The following SLC52A1 variants were observed in gnomAD, a reference collection of about 807,000 sequenced individuals.
SLC52A1 encodes solute carrier family 52, riboflavin transporter, member 1.
SLC52A1 carries 20 observed loss-of-function variants against 23.2 expected under a neutral mutation model. The observed-to-expected ratio is 0.86, with a 90% CI of 0.61 to 1.25. The LOEUF (loss-of-function observed/expected upper bound fraction) is 1.25. Among genes scored for constraint, SLC52A1 ranks in the 50% most tolerant of loss-of-function variants. SLC52A1 has a pLI of 0.00. For synonymous variants in SLC52A1, 260 were observed against 256.6 expected (o/e 1.01, Z -0.13); for missense variants, 528 against 557.0 (o/e 0.95, Z 0.52).
At chr17:5,037,917 T>TC (rs35536311), upstream of SLC52A1, among the ~76,000 whole-genome samples, 10,477 of 90,050 alleles carry the variant, frequency 0.12, 2,107 homozygotes, top group Middle Eastern at 0.22. Flanking sequence ...TTCCTTCCTT[T>TC]TTTTTTTTTT....
chr17:5,033,232 C>T (rs778426148), intron 4 of SLC52A1, 29 bp downstream of exon 4: 1 of 1,612,784 alleles, frequency 6.2e-7, no homozygotes. Context: ...GGACACCCTC[C>T]TCCCCACTTC....
upstream of SLC52A1, among the ~76,000 whole-genome samples, chr17:5,039,653 G>T (rs1223335120): frequency 2.6e-5 from 4 of 152,032 alleles, no homozygotes; most frequent in African/African-American, 9.7e-5. Flanking sequence ...TATATTTTTA[G>T]TAAAGATGGG....
At chr17:5,036,403 C>CTTT (rs34031349), upstream of SLC52A1, among the ~76,000 whole-genome samples, 25 of 59,198 alleles carry the variant, frequency 4.2e-4, 1 homozygote, top group East Asian at 5.9e-4. Flanking sequence ...CTAATTTTTG[C>CTTT]TTTTTTTTTT....
chr17:5,038,537 T>C (rs1005338102), upstream of SLC52A1, among the ~76,000 whole-genome samples: 25 of 152,002 alleles, frequency 1.6e-4, no homozygotes, highest in Admixed American at 6.6e-5. Context: ...CAAACAATGA[T>C]GTTTCTAATA....
At chr17:5,034,834 CG>C in intron 1 of SLC52A1, 26 bp downstream of exon 1, 1 of 286,972 alleles carries the variant, frequency 3.5e-6, no homozygotes, top group Non-Finnish European at 6.9e-6. Context: ...CGGGGGCGGG[CG>C]GGGAAGGTGG....
chr17:5,039,960 A>G (rs987449013), upstream of SLC52A1, among the ~76,000 whole-genome samples: 2 of 152,208 alleles, frequency 1.3e-5, no homozygotes, highest in African/African-American at 4.8e-5. Context: ...CAGGAGAGGC[A>G]AGACCCACAT....
rs1182838787 is a variant in SLC52A1, at chr17:5,034,106, G to C, written c.383C>G (p.Ser128Cys). 3.7e-6 allele frequency: 6 copies of C among 1,614,092 alleles called. No homozygotes were observed. Among genetic ancestry groups the C allele is most frequent in the Non-Finnish European group, 5.1e-6 (6 of 1,180,044 alleles). Residue 128 changes from serine to cysteine, a missense_variant, in exon 3 of 5, where the codon TCT (serine) becomes TGT (cysteine). Ser to Cys is a moderately radical substitution (Grantham distance 112). Coordinates refer to ENST00000254853, the MANE Select transcript of SLC52A1 (RefSeq NM_017986.4). Reference protein sequence around the residue: ...ALVLAMACCTSNVTFLPFLSH... With the variant: ...ALVLAMACCTCNVTFLPFLSH... ...CAGGAAGGGCAGGAAAGTGACATTA[G>C]AGGTACAACAGGCCATTGCCAACAC...
chr17:5,038,426 T>G (rs1013463863), upstream of SLC52A1, among the ~76,000 whole-genome samples: 1 of 151,836 alleles, frequency 6.6e-6, no homozygotes, highest in African/African-American at 2.4e-5. Context: ...TTTTGAAAGC[T>G]TCCTAGGTGA....
upstream of SLC52A1, among the ~76,000 whole-genome samples, chr17:5,036,403 C>CTTTT (rs34031349): frequency 8.4e-5 from 5 of 59,210 alleles, 1 homozygote; most frequent in African/African-American, 1.6e-4. Context: ...CTAATTTTTG[C>CTTTT]TTTTTTTTTT....
upstream of SLC52A1, among the ~76,000 whole-genome samples, chr17:5,039,437 A>T (rs111256740): frequency 3.9e-4 from 59 of 152,172 alleles, no homozygotes; most frequent in African/African-American, 1.3e-3. Flanking sequence ...AACGTAGGTG[A>T]TCACCTCACC....
In SLC52A1 at chr17:5,033,552, A is replaced by G. The variant is rs1230375780; in HGVS notation, c.937T>C (p.Tyr313His). 6.2e-7 allele frequency: 1 copy of G among 1,613,984 alleles called. No homozygotes were observed. Among genetic ancestry groups the G allele is most frequent in the South Asian group, 1.1e-5 (1 of 91,074 alleles). Residue 313 changes from tyrosine (Y) to histidine (H), a missense_variant, in exon 3 of 5, where the codon TAC becomes CAC. Tyr to His is a moderately conservative substitution (Grantham distance 83). Coordinates refer to ENST00000254853, the MANE Select transcript of SLC52A1 (RefSeq NM_017986.4). ...FSCLPYGRLA[Y>H]HLAVVLGSAA... ...CTGCCCAGCACCACAGCCAGGTGGTAGGCCAGGCGCCCATAGGGCAAACAG... is the reference window on the plus strand; with the variant it reads ...CTGCCCAGCACCACAGCCAGGTGGTGGGCCAGGCGCCCATAGGGCAAACAG...
At chr17:5,041,568 C>T (rs1975545935) in intron 1 of SLC52A1, among the ~76,000 whole-genome samples, 1 of 152,162 alleles carries the variant, frequency 6.6e-6, no homozygotes, top group African/African-American at 2.4e-5. Flanking sequence ...ACCTCCGCTT[C>T]CTGGGTTCAA....
At position 5,034,308 on chromosome 17, in the gene SLC52A1, C is replaced by T; in HGVS notation, c.181G>A (p.Gly61Ser). 6.3e-7 allele frequency: 1 copy of T among 1,593,892 alleles called. No homozygotes were observed. Among genetic ancestry groups the T allele is most frequent in the East Asian group, 2.2e-5 (1 of 44,740 alleles). Residue 61 changes from glycine to serine, a missense_variant, in exon 3 of 5, where the codon GGT becomes AGT. Coordinates refer to ENST00000254853, the MANE Select transcript of SLC52A1 (RefSeq NM_017986.4). ...CTCCACAGGGTCACCACCAGCAGAC[C>T]CAGGTTTCCCAGCGCCACAACCACA... ...LSVVVALGNL[G>S]LLVVTLWRQL... is the part of the protein sequence containing the mutation.
At chr17:5,033,190 G>C in intron 4 of SLC52A1, 21 bp from the exon 5 acceptor site, 3 of 1,613,364 alleles carry the variant, frequency 1.9e-6, no homozygotes, top group Non-Finnish European at 2.5e-6. Flanking sequence ...GGACACAGCA[G>C]CAGGCTGAGC....
upstream of SLC52A1, among the ~76,000 whole-genome samples, chr17:5,035,758 G>A (rs950925909): frequency 2.9e-4 from 44 of 150,102 alleles, no homozygotes; most frequent in African/African-American, 1.0e-3. Flanking sequence ...AGCGGTGCGC[G>A]ATCGCGGCTC....
chr17:5,036,797 C>T, upstream of SLC52A1, among the ~76,000 whole-genome samples: 1 of 152,056 alleles, frequency 6.6e-6, no homozygotes, highest in East Asian at 1.9e-4. Context: ...GGCCTGCTAG[C>T]TAAGACAGGT....
chr17:5,034,740 G>T, intron 1 of SLC52A1, 27 bp from the exon 2 acceptor site: 2 of 1,170,198 alleles, frequency 1.7e-6, no homozygotes, highest in Non-Finnish European at 1.2e-6. Flanking sequence ...AGGCTGGCAG[G>T]TAATAGGCTG....
In SLC52A1 at chr17:5,034,498, C is replaced by G; in HGVS notation, c.109G>C (p.Val37Leu). Residue 37 changes from valine to leucine, a missense_variant, in exon 2 of 5, where the codon GTG (valine) becomes CTG (leucine). Coordinates refer to ENST00000254853, the MANE Select transcript of SLC52A1 (RefSeq NM_017986.4). ...TCACCCTCTGGAAGGTCTTTTACCACCACAGGCAGCTCCACCCAGATCCCG... is the reference window on the plus strand; with the variant it reads ...TCACCCTCTGGAAGGTCTTTTACCAGCACAGGCAGCTCCACCCAGATCCCG... ...VNGIWVELPVVVKDLPEGWSL... is the reference protein window; with the variant it reads ...VNGIWVELPVLVKDLPEGWSL... The G allele has an allele frequency of 1.1e-5, 18 of 1,614,232 alleles. No homozygotes were observed. The highest frequency in any genetic ancestry group is 1.4e-5 in the Non-Finnish European group (17 of 1,180,042).
upstream of SLC52A1, among the ~76,000 whole-genome samples, chr17:5,037,033 C>T (rs1975475305): frequency 6.6e-6 from 1 of 152,076 alleles, no homozygotes; most frequent in Admixed American, 6.6e-5. Flanking sequence ...TCTGTAGTCC[C>T]AGCTACTCAG....
Sources: gnomAD v4.1 joint callset for allele counts (sites outside exome capture counted in the v4.1 genomes callset) on GRCh38, gnomAD v4.1.1 for gene constraint, MANE v1.5 for transcripts, NCBI Gene and HGNC (gene_info 2026-07-23, HGNC 2026-07-21) for gene names.